Variants in SPI1 observed in about 807,000 individuals in gnomAD.
The protein encoded by SPI1 is Spi-1 proto-oncogene.
A neutral mutation model predicts 30.7 loss-of-function variants in SPI1; 3 were observed. The ratio of observed to expected loss-of-function variants is 0.10; its 90% confidence interval spans 0.04 to 0.25. The LOEUF (loss-of-function observed/expected upper bound fraction) is 0.25. SPI1 is among the 10% of genes least tolerant of loss of function. SPI1 has a pLI of 1.00. For missense variants in SPI1, 261 were observed against 371.5 expected, an observed-to-expected ratio of 0.70 and a Z score of 2.45; for synonymous variants, 169 against 157.1, an observed-to-expected ratio of 1.08 and a Z score of -0.56.
In SPI1 at chr11:47,369,548, A is replaced by AAG. The variant is rs561197016; in HGVS notation, c.142+6083_142+6084dup. ...AAAAACTTCCAGAGAAAGAAAACAAAAGAGAGAGAGAGAAAAAAAAAAAAC... is the reference window on the plus strand; with the variant it reads ...AAAAACTTCCAGAGAAAGAAAACAAAAGAGAGAGAGAGAGAAAAAAAAAAAAC... On this transcript the variant is annotated intron_variant, in intron 2 of 4. Transcript: ENST00000378538. 9.9e-3 allele frequency among the ~76,000 whole-genome samples: 839 copies of AAG among 84,460 alleles called. 4 individuals are homozygous for AAG. The highest frequency in any genetic ancestry group is 0.028 in the Middle Eastern group (5 of 178). The allele number at this position is 84,460 out of a possible 152,430, so 55.4% of individuals were successfully genotyped here. A position where few individuals can be genotyped will look rare whatever the true frequency, so the allele number is the denominator to read the frequency against.
chr11:47,355,326 C>G lies in SPI1; in HGVS notation c.714G>C (p.Thr238=). Residue 238 remains threonine, a synonymous_variant, in exon 5 of 5, where the codon ACG becomes ACC. Transcript: ENST00000378538. ...TCTTCTTCACCTTCTTGACCTCGCC[C>G]GTCTTGCCGTAGTTGCGCAGCGCGC... ...MARALRNYGK[T]GEVKKVKKKL... 1 of 1,612,416 alleles carries G rather than the reference C, an allele frequency of 6.2e-7. No individual in the cohort carries two copies. Among genetic ancestry groups the G allele is most frequent in the Non-Finnish European group, 8.5e-7 (1 of 1,179,320 alleles).
intron 4 of SPI1, chr11:47,358,607 CAG>C (rs1035550641): frequency 1.4e-5 from 10 of 704,548 alleles, no homozygotes; most frequent in South Asian, 3.0e-5. Flanking sequence ...ACTCATGGCA[CAG>C]AGAGACACAC....
chr11:47,355,783 ACG>A (rs2095907511), intron 4 of SPI1, among the ~76,000 whole-genome samples: 1 of 93,536 alleles, frequency 1.1e-5, no homozygotes, highest in South Asian at 4.3e-4. Flanking sequence ...CACCCCCCCC[ACG>A]CGCACACACT....
chr11:47,369,624 G>T (rs1368188575), intron 2 of SPI1, among the ~76,000 whole-genome samples: 1 of 148,648 alleles, frequency 6.7e-6, no homozygotes, highest in Non-Finnish European at 1.5e-5. Context: ...AAATTTAAAG[G>T]AACATGGAGT....
In SPI1 at chr11:47,355,109, G is replaced by C. The variant is rs1167104953; in HGVS notation, c.*118C>G. 5.1e-6 allele frequency: 4 copies of C among 779,722 alleles called. No homozygotes were observed. The African/African-American group carries it at 7.4e-5, about 14-fold the overall frequency. 48.3% of individuals were successfully genotyped at this position (779,722 alleles called of 1,614,324 possible). On this transcript the variant is annotated 3_prime_UTR_variant, in exon 5 of 5. Coordinates refer to ENST00000378538, the MANE Select transcript of SPI1 (RefSeq NM_003120.3). ...GGAGGGGGCGGGTGAGGCGAGGCCC[G>C]GCCCGCCACAGTCCTGCCTCTGGGC...
intron 4 of SPI1, among the ~76,000 whole-genome samples, chr11:47,357,867 C>G (rs534021311): frequency 1.3e-5 from 2 of 152,158 alleles, no homozygotes; most frequent in Admixed American, 1.3e-4. Context: ...GCCCGGCCCA[C>G]TCACACCCAT....
At chr11:47,367,229 G>T (rs985520699) in intron 2 of SPI1, among the ~76,000 whole-genome samples, 3 of 152,096 alleles carry the variant, frequency 2.0e-5, no homozygotes, top group African/African-American at 7.2e-5. Flanking sequence ...TGGATGGATA[G>T]AATTCACATT....
intron 2 of SPI1, among the ~76,000 whole-genome samples, chr11:47,369,561 A>AGAG (rs1174277007): frequency 0.037 from 54 of 1,458 alleles, 1 homozygote; most frequent in Admixed American, 0.12. Flanking sequence ...AGAGAGAGAG[A>AGAG]AAAAAAAAAA....
intron 2 of SPI1, 49 bp from the exon 3 acceptor site, chr11:47,360,089 G>T: frequency 1.4e-6 from 2 of 1,428,900 alleles, no homozygotes; most frequent in South Asian, 1.4e-5. Context: ...GTTGGGCAGG[G>T]CAGGAAAAGG....
At position 47,359,422 on chromosome 11, in the gene SPI1, C is replaced by T. The variant is rs2095917299; in HGVS notation, c.331-416G>A. On this transcript the variant is annotated intron_variant, in intron 3 of 4. Transcript: ENST00000378538. This position sits in a 1 kb window ranked among gnomAD's most constrained non-coding sequence, Gnocchi z 5.1. ...GAGTGAGTGGAGGGACCCTGGAGGTCAGTAGGGGTGGTAGAGGTCAGCAGA... is the reference window on the plus strand; with the variant it reads ...GAGTGAGTGGAGGGACCCTGGAGGTTAGTAGGGGTGGTAGAGGTCAGCAGA... 6.6e-6 allele frequency among the ~76,000 whole-genome samples: 1 copy of T among 151,818 alleles called. No individual in the cohort carries two copies. Among genetic ancestry groups the T allele is most frequent in the African/African-American group, 2.4e-5 (1 of 41,272 alleles).
chr11:47,356,807 C>G (rs2095910611), intron 4 of SPI1, among the ~76,000 whole-genome samples: 1 of 150,882 alleles, frequency 6.6e-6, no homozygotes, highest in South Asian at 2.1e-4. Context: ...TGCACGCACA[C>G]ACCTGCTTAC....
In SPI1 at chr11:47,375,521, G is replaced by T; in HGVS notation, c.142+112C>A. 2.3e-6 allele frequency: 2 copies of T among 877,828 alleles called. No individual in the cohort carries two copies. Among genetic ancestry groups the T allele is most frequent in the South Asian group, 1.5e-5 (1 of 68,600 alleles). The allele number at this position is 877,828 out of a possible 1,614,324, so 54.4% of individuals were successfully genotyped here. A position where few individuals can be genotyped will look rare whatever the true frequency, so the allele number is the denominator to read the frequency against. On this transcript the variant is annotated intron_variant, in intron 2 of 4. Transcript: ENST00000378538. The surrounding 1 kb of genome is among the most constrained non-coding windows in gnomAD (Gnocchi z 4.2). ...CTGCCTTTGAGAGCAAACTTGATCT[G>T]ATTCTCAGAATTCCAAAGAAGTCCT...
chr11:47,366,744 C>G (rs916351627), intron 2 of SPI1, among the ~76,000 whole-genome samples: 5 of 152,036 alleles, frequency 3.3e-5, no homozygotes, highest in African/African-American at 1.2e-4. Flanking sequence ...TTACTTGAAC[C>G]CAGGAGATGG....
rs1248933323 is a variant in SPI1 at position 47,355,204 on chromosome 11, G to A, written c.*23C>T. The A allele has an allele frequency of 4.5e-6, 6 of 1,325,416 alleles. No individual in the cohort carries two copies. The African/African-American group carries it at 7.8e-5, about 17-fold the overall frequency. The allele number at this position is 1,325,416 out of a possible 1,614,324, so 82.1% of individuals were successfully genotyped here. A position where few individuals can be genotyped will look rare whatever the true frequency, so the allele number is the denominator to read the frequency against. ...GCTATGGCCAGCGGGGAGGCCTGGC[G>A]GGGCCCGGCGGGGGCTGCGGGCTCA... On this transcript the variant is annotated 3_prime_UTR_variant, in exon 5 of 5. Coordinates refer to ENST00000378538, the MANE Select transcript of SPI1 (RefSeq NM_003120.3).
intron 2 of SPI1, among the ~76,000 whole-genome samples, chr11:47,368,320 G>C (rs960293513): frequency 5.9e-5 from 9 of 152,098 alleles, no homozygotes; most frequent in Non-Finnish European, 1.3e-4. Context: ...AGCTGAGATC[G>C]TACCACTCCA....
chr11:47,359,841 G>GAT lies in SPI1; in HGVS notation c.330+11_330+12insAT, dbSNP rs1565638428. On this transcript the variant is annotated intron_variant, in intron 3 of 4. Transcript: ENST00000378538. The surrounding 1 kb of genome is among the most constrained non-coding windows in gnomAD (Gnocchi z 5.1). ...CAGTCTCCTGGGGGACGGGGCAGGC[G>GAT]GTGGCATGCACCTGGTGGCCAAGAC... 6.2e-7 allele frequency: 1 copy of GAT among 1,602,080 alleles called. No homozygotes were observed. The highest frequency in any genetic ancestry group is 1.7e-5 in the Admixed American group (1 of 59,978).
chr11:47,368,613 T>C (rs1414069340), intron 2 of SPI1, among the ~76,000 whole-genome samples: 4 of 152,228 alleles, frequency 2.6e-5, no homozygotes, highest in South Asian at 4.1e-4. Flanking sequence ...TGACACGTGC[T>C]ACACCATGGG....
chr11:47,365,267 C>T (rs1244927919), intron 2 of SPI1, among the ~76,000 whole-genome samples: 1 of 152,150 alleles, frequency 6.6e-6, no homozygotes, highest in Non-Finnish European at 1.5e-5. Flanking sequence ...ACTCTCAGCT[C>T]CTCGAAAGAA....
At chr11:47,367,054 C>T (rs1185528427) in intron 2 of SPI1, among the ~76,000 whole-genome samples, 1 of 151,874 alleles carries the variant, frequency 6.6e-6, no homozygotes, top group African/African-American at 2.4e-5. Context: ...ATGGATAGGC[C>T]AGTGCAAGAT....
Sources: allele counts gnomAD v4.1 joint callset (sites outside exome capture counted in the v4.1 genomes callset), GRCh38; gene constraint gnomAD v4.1.1; non-coding constraint Gnocchi (gnomAD v3.1); transcripts MANE v1.5; gene names NCBI Gene and HGNC (gene_info 2026-07-23, HGNC 2026-07-21).